The following KCNAB2 variants were observed in gnomAD, a reference collection of about 807,000 sequenced individuals.
KCNAB2 encodes voltage-gated potassium channel subunit beta-2.
Under a neutral mutation model 63.6 loss-of-function variants are expected in KCNAB2, and 29 were observed. That is an observed-to-expected ratio of 0.46 (90% CI 0.34 to 0.62). KCNAB2 has a LOEUF of 0.62. Ranked by LOEUF, KCNAB2 falls within the 20% of genes least tolerant of loss-of-function variation. The pLI is 0.01. For synonymous variants in KCNAB2, 222 were observed against 224.2 expected, an observed-to-expected ratio of 0.99 and a Z score of 0.09; for missense variants, 359 against 563.9, an observed-to-expected ratio of 0.64 and a Z score of 3.68.
At position 6,098,702 on chromosome 1, in the gene KCNAB2, A is replaced by G. The variant is rs1665846003; in HGVS notation, c.*128A>G. 1 of 1,177,926 alleles carries G rather than the reference A, an allele frequency of 8.5e-7. No individual in the cohort carries two copies. Among genetic ancestry groups the G allele is most frequent in the African/African-American group, 1.5e-5 (1 of 64,940 alleles). 73.0% of individuals were successfully genotyped at this position (1,177,926 alleles called of 1,614,324 possible). On this transcript the variant is annotated 3_prime_UTR_variant, in exon 16 of 16. Transcript: ENST00000378083. ...AGAGAAAACACCACACTGTGATGTC[A>G]TCGGGAAATGATCTCCCAAGTCGCT...
In KCNAB2 at chr1:6,051,531, G is replaced by A. The variant is rs746221121; in HGVS notation, c.-6G>A. ...GACAGTGGCAGCTCCCAAGCCAGGCGGCACCATGCTGTCCATGACGTACAG... is the reference window on the plus strand; with the variant it reads ...GACAGTGGCAGCTCCCAAGCCAGGCAGCACCATGCTGTCCATGACGTACAG... On this transcript the variant is annotated 5_prime_UTR_variant, in exon 2 of 16. Coordinates refer to ENST00000378083, the MANE Select transcript of KCNAB2 (RefSeq NM_001199862.2). 2.4e-4 allele frequency: 370 copies of A among 1,511,552 alleles called. 1 individual carries two copies. The highest frequency in any genetic ancestry group is 1.6e-3 in the Middle Eastern group (9 of 5,766). The allele number at this position is 1,511,552 out of a possible 1,614,324, so 93.6% of individuals were successfully genotyped here. A position where few individuals can be genotyped will look rare whatever the true frequency, so the allele number is the denominator to read the frequency against.
At chr1:6,007,139 A>G (rs977689603) in intron 1 of KCNAB2, among the ~76,000 whole-genome samples, 5 of 152,068 alleles carry the variant, frequency 3.3e-5, no homozygotes, top group African/African-American at 1.2e-4. Flanking sequence ...CAGCCAGGCG[A>G]GCTGGGAGCG....
rs762334727 is a variant in KCNAB2 at position 6,051,760 on chromosome 1, G to T, written c.218+6G>T. 1 of 1,524,034 alleles carries T rather than the reference G, an allele frequency of 6.6e-7. No individual in the cohort carries two copies. Among genetic ancestry groups the T allele is most frequent in the South Asian group, 1.2e-5 (1 of 83,590 alleles). The allele number at this position is 1,524,034 out of a possible 1,614,324, so 94.4% of individuals were successfully genotyped here. A position where few individuals can be genotyped will look rare whatever the true frequency, so the allele number is the denominator to read the frequency against. The stretch of plus-strand genomic sequence containing the variant: ...CGCACAGGCATGAAGTATCGGTAAG[G>T]GCCGGGCAGGGGGGCGGTGGGGTGG... On this transcript the variant is annotated splice_donor_region_variant and intron_variant, in intron 2 of 15. Coordinates refer to ENST00000378083, the MANE Select transcript of KCNAB2 (RefSeq NM_001199862.2).
At chr1:6,054,869 T>C (rs974755014) in intron 2 of KCNAB2, among the ~76,000 whole-genome samples, 6 of 152,212 alleles carry the variant, frequency 3.9e-5, no homozygotes, top group African/African-American at 1.2e-4. Flanking sequence ...TTTTCCATTT[T>C]TCGTCTGCCA....
chr1:6,095,465 G>GCCCC, intron 12 of KCNAB2, 22 bp downstream of exon 12: 16 of 1,586,122 alleles, frequency 1.0e-5, no homozygotes, highest in East Asian at 2.3e-5. Context: ...CGGGCCCCTC[G>GCCCC]CCCCGCCCCA....
chr1:6,078,364 C>T lies in KCNAB2; in HGVS notation c.301-3831C>T, dbSNP rs1557490440. 1.3e-5 allele frequency among the ~76,000 whole-genome samples: 2 copies of T among 152,160 alleles called. No homozygotes were observed. Among genetic ancestry groups the T allele is most frequent in the South Asian group, 4.1e-4 (2 of 4,822 alleles). ...CCCTCTTTCTACCTAAGGTCACATTCCCAGGTTCCAGGGACGTGATACCTT... is the reference window on the plus strand; with the variant it reads ...CCCTCTTTCTACCTAAGGTCACATTTCCAGGTTCCAGGGACGTGATACCTT... On this transcript the variant is annotated intron_variant, in intron 4 of 15. Transcript: ENST00000378083. The surrounding 1 kb of genome is among the most constrained non-coding windows in gnomAD (Gnocchi z 4.2).
At chr1:6,068,811 C>T (rs72862331) in intron 2 of KCNAB2, among the ~76,000 whole-genome samples, 15,983 of 152,194 alleles carry the variant, frequency 0.11, 2,699 homozygotes, top group African/African-American at 0.36. Context: ...GGGAAGCTGG[C>T]CCTTCCCAGT....
In KCNAB2 at chr1:6,078,501, C is replaced by T. The variant is rs1663891473; in HGVS notation, c.301-3694C>T. Among the ~76,000 whole-genome samples the T allele has an allele frequency of 1.3e-5, 2 of 152,002 alleles. No homozygotes were observed. The highest frequency in any genetic ancestry group is 4.8e-5 in the African/African-American group (2 of 41,350). On this transcript the variant is annotated intron_variant, in intron 4 of 15. Transcript: ENST00000378083. This position sits in a 1 kb window ranked among gnomAD's most constrained non-coding sequence, Gnocchi z 4.2. Reference sequence around the variant, plus strand: ...GAAGCAGAAGCGAGCAAGGACGCCACGTGGTGGTCCAGAGAAAGAGCCTTC... The same window carrying T: ...GAAGCAGAAGCGAGCAAGGACGCCATGTGGTGGTCCAGAGAAAGAGCCTTC...
intron 1 of KCNAB2, among the ~76,000 whole-genome samples, chr1:6,040,274 G>C (rs961666550): frequency 1.3e-5 from 2 of 152,164 alleles, no homozygotes; most frequent in Non-Finnish European, 1.5e-5. Context: ...TGGAGTGATG[G>C]AGTGTGGAAA....
intron 1 of KCNAB2, among the ~76,000 whole-genome samples, chr1:6,047,411 G>A (rs1189435328): frequency 6.6e-6 from 1 of 152,092 alleles, no homozygotes; most frequent in Non-Finnish European, 1.5e-5. Flanking sequence ...GAGCCTCTTT[G>A]CCTTCTGCCT....
intron 2 of KCNAB2, among the ~76,000 whole-genome samples, chr1:6,058,884 T>C (rs6577479): frequency 0.29 from 44,154 of 151,852 alleles, 7,019 homozygotes; most frequent in African/African-American, 0.42. Flanking sequence ...TGTGTGGGGC[T>C]TGGGTCGGGG....
Position 6,028,099 on chromosome 1 carries a change from C to T in KCNAB2, c.-52-12418C>T, listed in dbSNP as rs1196385149. Among the ~76,000 whole-genome samples, 1 of 152,186 alleles carries T rather than the reference C, an allele frequency of 6.6e-6. No individual in the cohort carries two copies. Among genetic ancestry groups the T allele is most frequent in the Non-Finnish European group, 1.5e-5 (1 of 68,012 alleles). On this transcript the variant is annotated intron_variant, in intron 1 of 16. Coordinates refer to the KCNAB2 transcript ENST00000341524. This position sits in a 1 kb window ranked among gnomAD's most constrained non-coding sequence, Gnocchi z 4.0. ...TCCCCATCATGACCCACCAGGCCAACGGCCCCCTAGGGTCTTGACCCCAGT... is the reference window on the plus strand; with the variant it reads ...TCCCCATCATGACCCACCAGGCCAATGGCCCCCTAGGGTCTTGACCCCAGT...
intron 1 of KCNAB2, among the ~76,000 whole-genome samples, chr1:5,998,585 A>G (rs1169260258): frequency 6.6e-6 from 1 of 152,168 alleles, no homozygotes; most frequent in African/African-American, 2.4e-5. Context: ...ATGAAGGTCA[A>G]GACAGACAGT....
upstream of KCNAB2, chr1:6,045,821 G>C (rs1660873257): frequency 1.2e-6 from 1 of 839,348 alleles, no homozygotes; most frequent in Non-Finnish European, 1.4e-6. This position sits in a 1 kb window ranked among gnomAD's most constrained non-coding sequence, Gnocchi z 4.8. Flanking sequence ...AGGCAGCAAG[G>C]GTAGGCCTGA....
intron 1 of KCNAB2, among the ~76,000 whole-genome samples, chr1:6,040,042 C>G (rs905719356): frequency 1.3e-5 from 2 of 152,178 alleles, no homozygotes; most frequent in Non-Finnish European, 2.9e-5. Context: ...CTTAGGAGCT[C>G]AATGGCAGCA....
chr1:6,024,059 A>G lies in KCNAB2; in HGVS notation c.-52-16458A>G, dbSNP rs1026855637. ...TGGGTTCAAGCAATTCTCCTGCCTC[A>G]GCCTTCCGAGTAGCTGGGATTACAG... On this transcript the variant is annotated intron_variant, in intron 1 of 16. Transcript: ENST00000341524. The surrounding 1 kb of genome is among the most constrained non-coding windows in gnomAD (Gnocchi z 5.4). Among the ~76,000 whole-genome samples, 1 of 151,792 alleles carries G rather than the reference A, an allele frequency of 6.6e-6. No homozygotes were observed. Among genetic ancestry groups the G allele is most frequent in the African/African-American group, 2.4e-5 (1 of 41,250 alleles).
intron 4 of KCNAB2, among the ~76,000 whole-genome samples, chr1:6,075,967 C>T (rs1314662058): frequency 6.6e-6 from 1 of 152,242 alleles, no homozygotes; most frequent in Non-Finnish European, 1.5e-5. Flanking sequence ...TTTATTAGGA[C>T]ATAGCCACGC....
At chr1:6,088,291 G>A (rs991049118) in intron 7 of KCNAB2, among the ~76,000 whole-genome samples, 1 of 150,922 alleles carries the variant, frequency 6.6e-6, no homozygotes, top group Non-Finnish European at 1.5e-5. Flanking sequence ...GAGTACAGTG[G>A]CGTAGTCCCA....
chr1:6,010,861 T>C lies in KCNAB2; in HGVS notation c.-53+18073T>C, dbSNP rs1429429293. Among the ~76,000 whole-genome samples, 6 of 152,304 alleles carry C rather than the reference T, an allele frequency of 3.9e-5. No homozygotes were observed. The East Asian group carries it at 1.2e-3, about 29-fold the overall frequency. On this transcript the variant is annotated intron_variant, in intron 1 of 16. Coordinates refer to the KCNAB2 transcript ENST00000341524. The stretch of plus-strand genomic sequence containing the variant: ...CCATGAGGGCGCTCTTCCCCAGAAA[T>C]CATCGTGGAAGCGGCGAATGAGTGG...
Sources: allele counts gnomAD v4.1 joint callset (sites outside exome capture counted in the v4.1 genomes callset), GRCh38; gene constraint gnomAD v4.1.1; non-coding constraint Gnocchi (gnomAD v3.1); transcripts MANE v1.5; gene names NCBI Gene and HGNC (gene_info 2026-07-23, HGNC 2026-07-21).